The following BDP1 variants were observed in gnomAD, a reference collection of about 807,000 sequenced individuals.
BDP1 encodes the protein transcription factor TFIIIB component B'' homolog.
In BDP1, 169 loss-of-function variants were observed where a neutral mutation model predicts 266.6. The observed-to-expected ratio is 0.63, with a 90% CI of 0.56 to 0.72. The LOEUF (loss-of-function observed/expected upper bound fraction) is 0.72, where lower values mean the gene tolerates loss of function less well. Among genes scored for constraint, BDP1 ranks in the 30% least tolerant of loss-of-function variants. BDP1 has a pLI of 0.00. For synonymous variants in BDP1, 1,090 were observed against 1,022.4 expected (o/e 1.07, Z -1.26); for missense variants, 3,015 against 3,053.8 (o/e 0.99, Z 0.30).
intron 32 of BDP1, among the ~76,000 whole-genome samples, chr5:71,546,549 C>T (rs1002574699): frequency 7.7e-6 from 1 of 129,862 alleles, no homozygotes; most frequent in Non-Finnish European, 1.5e-5. Flanking sequence ...ACCCAGGAGA[C>T]AGAGGTTGCA....
chr5:71,536,187 G>C (rs1295188332), intron 26 of BDP1, among the ~76,000 whole-genome samples: 1 of 152,032 alleles, frequency 6.6e-6, no homozygotes, highest in African/African-American at 2.4e-5. Flanking sequence ...TTTATTGGTT[G>C]TGTTGAGGAT....
At chr5:71,522,599 C>A in intron 23 of BDP1, 109 bp downstream of exon 23, 2 of 1,167,350 alleles carry the variant, frequency 1.7e-6, no homozygotes, top group Admixed American at 2.6e-5. Context: ...GTACTGTAAC[C>A]ATTTTCATGA....
At position 71,510,334 on chromosome 5, in the gene BDP1, T is replaced by C. The variant is rs1764836965; in HGVS notation, c.3242T>C (p.Ile1081Thr). Residue 1081 changes from isoleucine (I) to threonine (T), a missense_variant, in exon 17 of 39, where the codon ATT (isoleucine) becomes ACT (threonine). Transcript: ENST00000358731. ...SFPRGKTPEV[I>T]DAIEEIEIDL... ...CCAAGGGGGAAGACACCAGAGGTGA[T>C]TGATGCCATTGAGGAAATAGAGATA... is the stretch of plus-strand genomic sequence containing the variant. 6.2e-7 allele frequency: 1 copy of C among 1,612,642 alleles called. No homozygotes were observed. Among genetic ancestry groups the C allele is most frequent in the African/African-American group, 1.3e-5 (1 of 74,416 alleles).
intron 21 of BDP1, among the ~76,000 whole-genome samples, chr5:71,516,488 T>C (rs1765230039): frequency 6.6e-6 from 1 of 152,216 alleles, no homozygotes; most frequent in African/African-American, 2.4e-5. Context: ...TCGTAAAATG[T>C]TCCATTAGGA....
rs190190079 is a variant in BDP1, at chr5:71,458,373, G to C, written c.213-206G>C. Among the ~76,000 whole-genome samples, 6 of 151,704 alleles carry C rather than the reference G, an allele frequency of 4.0e-5. No individual in the cohort carries two copies. In the East Asian group the frequency reaches 1.2e-3, roughly 29 times the overall value. ...GGACTTTATGTTTGAAAAAGATTAA[G>C]AGTCTATTAGAATTTACGTATATTT... is the stretch of plus-strand genomic sequence containing the variant. On this transcript the variant is annotated intron_variant, in intron 1 of 38. Coordinates refer to ENST00000358731, the MANE Select transcript of BDP1 (RefSeq NM_018429.3).
intron 36 of BDP1, among the ~76,000 whole-genome samples, chr5:71,557,606 G>C (rs934153556): frequency 2.7e-5 from 4 of 148,414 alleles, no homozygotes; most frequent in African/African-American, 7.4e-5. Flanking sequence ...GGATGGTCTT[G>C]ATCTCCTGAC....
In BDP1 at chr5:71,458,558, TTTC is replaced by T; in HGVS notation, c.213-18_213-16del. 6.4e-7 allele frequency: 1 copy of T among 1,552,970 alleles called. No homozygotes were observed. The highest frequency in any genetic ancestry group is 8.7e-7 in the Non-Finnish European group (1 of 1,151,730). On this transcript the variant is annotated intron_variant, in intron 1 of 38. Coordinates refer to ENST00000358731, the MANE Select transcript of BDP1 (RefSeq NM_018429.3). ...AACAGAAGATTCATGTGCCCTCTTT[TTTC>T]TTTTTTAATTTCAACAGTACTGAAA... is the stretch of plus-strand genomic sequence containing the variant.
intron 12 of BDP1, among the ~76,000 whole-genome samples, chr5:71,496,297 G>A (rs1763889062): frequency 6.7e-6 from 1 of 149,518 alleles, no homozygotes; most frequent in Admixed American, 6.7e-5. Flanking sequence ...TTTCAGTAAA[G>A]TACTGTCACA....
intron 22 of BDP1, among the ~76,000 whole-genome samples, chr5:71,518,814 T>C (rs1765349761): frequency 6.7e-6 from 1 of 149,814 alleles, no homozygotes; most frequent in South Asian, 2.1e-4. Context: ...TAATGTGAAG[T>C]TTTTATTTTA....
chr5:71,480,835 A>T (rs1324043439), intron 7 of BDP1, among the ~76,000 whole-genome samples: 1 of 152,076 alleles, frequency 6.6e-6, no homozygotes, highest in South Asian at 2.1e-4. Flanking sequence ...CAGTGCTAGG[A>T]TTATAAGAAG....
rs1580175685 is a variant in BDP1 at position 71,539,517 on chromosome 5, A to G, written c.5930-40A>G. 2.0e-6 allele frequency: 3 copies of G among 1,495,494 alleles called. No homozygotes were observed. The South Asian group carries it at 3.5e-5, about 17-fold the overall frequency. The allele number at this position is 1,495,494 out of a possible 1,614,324, so 92.6% of individuals were successfully genotyped here. A position where few individuals can be genotyped will look rare whatever the true frequency, so the allele number is the denominator to read the frequency against. On this transcript the variant is annotated intron_variant, in intron 27 of 38. Coordinates refer to ENST00000358731, the MANE Select transcript of BDP1 (RefSeq NM_018429.3). ...CTTTTTTAAGTGAACAGATTTCCGGATTCATTCTTTTTTTTAATGTTGATA... is the reference window on the plus strand; with the variant it reads ...CTTTTTTAAGTGAACAGATTTCCGGGTTCATTCTTTTTTTTAATGTTGATA...
intron 25 of BDP1, among the ~76,000 whole-genome samples, chr5:71,524,822 G>A (rs1027113717): frequency 2.0e-5 from 3 of 150,088 alleles, no homozygotes; most frequent in Admixed American, 1.3e-4. Context: ...TGAGATTAGG[G>A]AGTGGCGATG....
At chr5:71,489,796 G>C (rs1308925070) in intron 10 of BDP1, 114 bp downstream of exon 10, 3 of 849,808 alleles carry the variant, frequency 3.5e-6, no homozygotes. Context: ...CTTATTAATT[G>C]GTTCTGTACT....
Position 71,522,073 on chromosome 5 carries a change from A to G in BDP1, c.4992-216A>G, listed in dbSNP as rs116410868. ...ATTAATATTATTGTAAAACTTTTTC[A>G]GGCTCTATAGAAAATGGAAGCTATA... is the stretch of plus-strand genomic sequence containing the variant. On this transcript the variant is annotated intron_variant, in intron 22 of 38. Transcript: ENST00000358731. 0.015 allele frequency among the ~76,000 whole-genome samples: 2,341 copies of G among 152,274 alleles called. 71 individuals are homozygous for G. Among genetic ancestry groups the G allele is most frequent in the African/African-American group, 0.053 (2,219 of 41,570 alleles).
Position 71,541,492 on chromosome 5 carries a change from A to G in BDP1, c.6061A>G (p.Lys2021Glu), listed in dbSNP as rs1312632579. ...CIIPHVHSKDKSHIPSSLDNV... is the reference protein window; with the variant it reads ...CIIPHVHSKDESHIPSSLDNV... Reference sequence around the variant, plus strand: ...AATTCCTCATGTTCATTCAAAGGATAAAAGCCATATTCCTTCTAGCCTAGA... The same window carrying G: ...AATTCCTCATGTTCATTCAAAGGATGAAAGCCATATTCCTTCTAGCCTAGA... Residue 2021 changes from lysine to glutamate, a missense_variant, in exon 29 of 39, where the codon AAA becomes GAA. By Grantham distance (56) the Lys-to-Glu change is moderately conservative. Around this residue, in one of 3 missense-constraint regions of BDP1, gnomAD observed 2,383 missense variants for 2,404.9 expected, o/e 0.99. Coordinates refer to ENST00000358731, the MANE Select transcript of BDP1 (RefSeq NM_018429.3). The G allele has an allele frequency of 6.3e-7, 1 of 1,598,352 alleles. No individual in the cohort carries two copies. Among genetic ancestry groups the G allele is most frequent in the Non-Finnish European group, 8.6e-7 (1 of 1,169,410 alleles).
chr5:71,458,575 A>G lies in BDP1; in HGVS notation c.213-4A>G, dbSNP rs201983029. 3.7e-5 allele frequency: 58 copies of G among 1,584,060 alleles called. No homozygotes were observed. The East Asian group carries it at 1.3e-3, about 34-fold the overall frequency. On this transcript the variant is annotated splice_polypyrimidine_tract_variant and splice_region_variant and intron_variant, in intron 1 of 38. Coordinates refer to ENST00000358731, the MANE Select transcript of BDP1 (RefSeq NM_018429.3). Reference sequence around the variant, plus strand: ...CCCTCTTTTTTCTTTTTTAATTTCAACAGTACTGAAAAGACTGGTGGTGAC... The same window carrying G: ...CCCTCTTTTTTCTTTTTTAATTTCAGCAGTACTGAAAAGACTGGTGGTGAC...
chr5:71,527,476 G>A (rs967825356), intron 25 of BDP1, among the ~76,000 whole-genome samples: 5 of 152,014 alleles, frequency 3.3e-5, no homozygotes, highest in Admixed American at 1.3e-4. Flanking sequence ...TCTACATCTT[G>A]TCTCTTTAAT....
chr5:71,506,786 AACACACACAC>A (rs70992971), intron 16 of BDP1, among the ~76,000 whole-genome samples: 5,565 of 64,356 alleles, frequency 0.086, 178 homozygotes, highest in East Asian at 0.26. Flanking sequence ...ATATATTTGA[AACACACACAC>A]ACACACACAC....
chr5:71,464,110 A>G lies in BDP1; in HGVS notation c.652A>G (p.Thr218Ala). The change falls in exon 4 of 39, where the codon ACA (threonine) becomes GCA (alanine). Residue 218 changes from threonine (T) to alanine (A), a missense_variant. By Grantham distance (58) the Thr-to-Ala change is moderately conservative. Around this residue, in one of 3 missense-constraint regions of BDP1, gnomAD observed 2,383 missense variants for 2,404.9 expected, o/e 0.99. Coordinates refer to ENST00000358731, the MANE Select transcript of BDP1 (RefSeq NM_018429.3). The stretch of plus-strand genomic sequence containing the variant: ...TGAAAAGCCATCGACTCCAGTCCAG[A>G]CAAGAGAGTAAGTATTTTATTTTTG... ...KTEKPSTPVQTREQEGKSTPN... is the reference protein window; with the variant it reads ...KTEKPSTPVQAREQEGKSTPN... 6.4e-7 allele frequency: 1 copy of G among 1,566,070 alleles called. No homozygotes were observed. Among genetic ancestry groups the G allele is most frequent in the African/African-American group, 1.4e-5 (1 of 73,090 alleles).
Sources: gnomAD v4.1 joint callset for allele counts (sites outside exome capture counted in the v4.1 genomes callset) on GRCh38, gnomAD v4.1.1 for gene constraint, gnomAD v4.1.1 regional missense constraint, MANE v1.5 for transcripts, NCBI Gene and HGNC (gene_info 2026-07-23, HGNC 2026-07-21) for gene names.